NTNG1: variants seen among roughly 807,000 people sequenced by gnomAD.
NTNG1 encodes netrin-G1.
In NTNG1, 16 loss-of-function variants were observed where a neutral mutation model predicts 54.0. That is an observed-to-expected ratio of 0.30 (90% CI 0.20 to 0.45). The LOEUF (loss-of-function observed/expected upper bound fraction) is 0.45. NTNG1 is among the 20% of genes least tolerant of loss of function. The pLI is 1.00. For synonymous variants in NTNG1, 255 were observed against 263.1 expected (o/e 0.97, Z 0.30); for missense variants, 530 against 678.7 (o/e 0.78, Z 2.43).
Position 107,322,699 on chromosome 1 carries a change from G to T in NTNG1, c.247-1583G>T, listed in dbSNP as rs192588265. ...CATTTTGAAGGGGATACTATAAATA[G>T]TGCCACAGACGCTGGGATCAGGACT... On this transcript the variant is annotated intron_variant, in intron 2 of 7. Transcript: ENST00000370068. Among the ~76,000 whole-genome samples the T allele has an allele frequency of 2.4e-3, 366 of 152,130 alleles. 4 individuals are homozygous for T. The highest frequency in any genetic ancestry group is 8.3e-3 in the African/African-American group (345 of 41,522).
rs199711157 is a variant in NTNG1 at position 107,370,089 on chromosome 1, C to G, written c.888-25065C>G. Among the ~76,000 whole-genome samples the G allele has an allele frequency of 5.3e-5, 8 of 152,028 alleles. No individual in the cohort carries two copies. In the East Asian group the frequency reaches 1.5e-3, roughly 29 times the overall value. On this transcript the variant is annotated intron_variant, in intron 3 of 7. Coordinates refer to ENST00000370068, the MANE Select transcript of NTNG1 (RefSeq NM_001113226.3). ...TTCCGTTCTCCAATCTATCTTTATA[C>G]CAGTATCACACTGTTTTAATTACTG... is the stretch of plus-strand genomic sequence containing the variant.
chr1:107,457,742 G>A (rs1468793606), intron 7 of NTNG1, among the ~76,000 whole-genome samples: 1 of 152,070 alleles, frequency 6.6e-6, no homozygotes, highest in Non-Finnish European at 1.5e-5. Flanking sequence ...ATTTATGCCA[G>A]TAGACTTATG....
At chr1:107,234,477 T>C (rs1193738189) in intron 2 of NTNG1, among the ~76,000 whole-genome samples, 1 of 152,094 alleles carries the variant, frequency 6.6e-6, no homozygotes, top group Non-Finnish European at 1.5e-5. Flanking sequence ...TTTTTCATGC[T>C]TATTGAGTGC....
At chr1:107,406,934 T>G (rs1673463687) in intron 4 of NTNG1, among the ~76,000 whole-genome samples, 1 of 152,116 alleles carries the variant, frequency 6.6e-6, no homozygotes, top group Non-Finnish European at 1.5e-5. Flanking sequence ...ACTATATTGC[T>G]GGGTTAGATA....
At chr1:107,436,148 A>C (rs919875431) in intron 6 of NTNG1, among the ~76,000 whole-genome samples, 7 of 152,238 alleles carry the variant, frequency 4.6e-5, no homozygotes, top group African/African-American at 7.2e-5. Flanking sequence ...GGCTTATCAC[A>C]AAATGGTATA....
At chr1:107,218,732 A>G (rs1660137203) in intron 2 of NTNG1, among the ~76,000 whole-genome samples, 1 of 152,188 alleles carries the variant, frequency 6.6e-6, no homozygotes, top group South Asian at 2.1e-4. Context: ...TGCTGAATAC[A>G]AAATTCTTGG....
chr1:107,221,854 C>G (rs889011473), intron 2 of NTNG1, among the ~76,000 whole-genome samples: 1 of 152,160 alleles, frequency 6.6e-6, no homozygotes, highest in Non-Finnish European at 1.5e-5. Context: ...TCCTTGAAAA[C>G]TTGAAGTGAA....
intron 2 of NTNG1, among the ~76,000 whole-genome samples, chr1:107,232,616 C>T (rs1191767976): frequency 6.6e-6 from 1 of 152,036 alleles, no homozygotes; most frequent in African/African-American, 2.4e-5. Flanking sequence ...TTAAAGTCTG[C>T]CTGCTGTTCG....
At chr1:107,341,234 T>TAA (rs1468166557) in intron 3 of NTNG1, among the ~76,000 whole-genome samples, 1 of 152,152 alleles carries the variant, frequency 6.6e-6, no homozygotes, top group Non-Finnish European at 1.5e-5. Flanking sequence ...TGTCTTCCTC[T>TAA]ACTAACTCTT....
intron 2 of NTNG1, among the ~76,000 whole-genome samples, chr1:107,264,860 A>G (rs1663627027): frequency 6.6e-6 from 1 of 152,162 alleles, no homozygotes. Flanking sequence ...ATACATTCAC[A>G]CATAGCTTGT....
At chr1:107,421,270 C>A in intron 5 of NTNG1, 1 of 642,192 alleles carries the variant, frequency 1.6e-6, no homozygotes, top group South Asian at 2.0e-5. Flanking sequence ...TGACTAATAT[C>A]AATCAATGCA....
At chr1:107,226,873 G>A (rs1660724324) in intron 2 of NTNG1, among the ~76,000 whole-genome samples, 1 of 152,062 alleles carries the variant, frequency 6.6e-6, no homozygotes, top group Admixed American at 6.6e-5. Context: ...AAAATATGCT[G>A]TTTTGGGGCC....
chr1:107,476,974 T>C (rs1489137301), intron 7 of NTNG1, among the ~76,000 whole-genome samples: 2 of 152,210 alleles, frequency 1.3e-5, no homozygotes, highest in African/African-American at 4.8e-5. Flanking sequence ...TTAAAAGAAA[T>C]GGTTTAAAAA....
chr1:107,244,283 A>G (rs1662038599), intron 2 of NTNG1, among the ~76,000 whole-genome samples: 1 of 152,320 alleles, frequency 6.6e-6, no homozygotes, highest in East Asian at 1.9e-4. Flanking sequence ...TAAAAGTTTG[A>G]ATGATTTATT....
intron 3 of NTNG1, among the ~76,000 whole-genome samples, chr1:107,348,279 C>T (rs927170967): frequency 2.6e-5 from 4 of 152,046 alleles, no homozygotes; most frequent in African/African-American, 9.7e-5. Flanking sequence ...GTGTGCACCA[C>T]GACACCTGGC....
At chr1:107,365,625 CAG>C (rs1217257740) in intron 3 of NTNG1, among the ~76,000 whole-genome samples, 1 of 152,144 alleles carries the variant, frequency 6.6e-6, no homozygotes, top group Non-Finnish European at 1.5e-5. Flanking sequence ...ACAGAATAGA[CAG>C]TATCTTCAAT....
chr1:107,435,579 A>G (rs1174388042), intron 6 of NTNG1, among the ~76,000 whole-genome samples: 1 of 152,150 alleles, frequency 6.6e-6, no homozygotes, highest in Non-Finnish European at 1.5e-5. Context: ...AGACCCATCT[A>G]TAAGGCTAAA....
At chr1:107,472,312 T>A (rs1678035976) in intron 7 of NTNG1, among the ~76,000 whole-genome samples, 1 of 152,184 alleles carries the variant, frequency 6.6e-6, no homozygotes, top group Admixed American at 6.5e-5. Flanking sequence ...GGGGAGGGAT[T>A]TCTAACACTT....
chr1:107,183,902 A>AT, intron 2 of NTNG1, among the ~76,000 whole-genome samples: 1 of 152,046 alleles, frequency 6.6e-6, no homozygotes, highest in Admixed American at 6.6e-5. Flanking sequence ...GTCCTATGTG[A>AT]TCCCCCTCCC....
Sources: gnomAD v4.1 joint callset for allele counts (sites outside exome capture counted in the v4.1 genomes callset) on GRCh38, gnomAD v4.1.1 for gene constraint, MANE v1.5 for transcripts, NCBI Gene and HGNC (gene_info 2026-07-23, HGNC 2026-07-21) for gene names.